The following MYO3B variants were observed in gnomAD, a reference collection of about 807,000 sequenced individuals.
MYO3B encodes the protein myosin IIIB, also known as myosin-IIIb.
In MYO3B, 156 loss-of-function variants were observed where a neutral mutation model predicts 174.6. The ratio of observed to expected loss-of-function variants is 0.89; its 90% CI spans 0.78 to 1.02. The LOEUF is 1.02. MYO3B is among the 50% of genes least tolerant of loss of function. The pLI, the probability that MYO3B is intolerant of heterozygous loss-of-function variation, is 0.00. For synonymous variants in MYO3B, 563 were observed against 569.1 expected, an observed-to-expected ratio of 0.99 and a Z score of 0.15; for missense variants, 1,632 against 1,639.4, an observed-to-expected ratio of 1.00 and a Z score of 0.08.
intron 7 of MYO3B, among the ~76,000 whole-genome samples, chr2:170,249,516 T>A (rs1439518820): frequency 1.3e-5 from 2 of 152,342 alleles, no homozygotes; most frequent in Non-Finnish European, 2.9e-5. Context: ...TGCAGGAGCA[T>A]CTGAACCAAT....
At chr2:170,380,659 G>A (rs1326121936) in intron 9 of MYO3B, among the ~76,000 whole-genome samples, 1 of 152,104 alleles carries the variant, frequency 6.6e-6, no homozygotes, top group African/African-American at 2.4e-5. Flanking sequence ...TATACCAGAG[G>A]GGATTATTAC....
chr2:170,384,056 G>C, intron 12 of MYO3B: 1 of 409,530 alleles, frequency 2.4e-6, no homozygotes, highest in South Asian at 4.5e-5. Flanking sequence ...CATTTTCTCT[G>C]ATAAGATATA....
At chr2:170,500,849 T>C (rs1687217933) in intron 27 of MYO3B, among the ~76,000 whole-genome samples, 1 of 152,210 alleles carries the variant, frequency 6.6e-6, no homozygotes, top group Admixed American at 6.5e-5. Context: ...AGGTTGCTAA[T>C]CTCTTTCATG....
chr2:170,454,777 G>C (rs918187854), intron 23 of MYO3B, among the ~76,000 whole-genome samples: 2 of 152,222 alleles, frequency 1.3e-5, no homozygotes, highest in African/African-American at 4.8e-5. Context: ...AATTCACATA[G>C]AGCCAGCTGT....
intron 7 of MYO3B, among the ~76,000 whole-genome samples, chr2:170,314,159 A>C (rs528295288): frequency 5.3e-5 from 8 of 152,282 alleles, no homozygotes; most frequent in South Asian, 4.2e-4. Flanking sequence ...GCAGTTTAGA[A>C]TTGATACTGT....
At chr2:170,259,047 T>C (rs1251795026) in intron 7 of MYO3B, among the ~76,000 whole-genome samples, 1 of 152,088 alleles carries the variant, frequency 6.6e-6, no homozygotes, top group East Asian at 1.9e-4. Flanking sequence ...GAAACACTGC[T>C]GAAAGAAATC....
At chr2:170,554,458 C>T (rs569994383) in intron 32 of MYO3B, among the ~76,000 whole-genome samples, 11 of 152,264 alleles carry the variant, frequency 7.2e-5, no homozygotes, top group South Asian at 4.2e-4. Flanking sequence ...AGTCTAGAGG[C>T]GGCTGGAGGG....
intron 7 of MYO3B, among the ~76,000 whole-genome samples, chr2:170,313,101 A>T (rs936694405): frequency 6.6e-6 from 1 of 152,202 alleles, no homozygotes; most frequent in African/African-American, 2.4e-5. Flanking sequence ...CCTGCTTTCT[A>T]AATTTGTGAT....
intron 22 of MYO3B, chr2:170,412,275 A>G (rs1049767927): frequency 6.6e-6 from 1 of 152,190 alleles, no homozygotes; most frequent in African/African-American, 2.4e-5. Flanking sequence ...TTGAAAATTC[A>G]TTTTTGTCTT....
chr2:170,593,307 T>A (rs1304340351), intron 32 of MYO3B, among the ~76,000 whole-genome samples: 1 of 152,210 alleles, frequency 6.6e-6, no homozygotes. Context: ...CTCGCTATGT[T>A]GCCCAGGCTG....
intron 32 of MYO3B, among the ~76,000 whole-genome samples, chr2:170,577,011 A>G (rs769900426): frequency 5.9e-5 from 9 of 152,222 alleles, no homozygotes; most frequent in African/African-American, 9.6e-5. Flanking sequence ...ATCAGGATCA[A>G]TACATCCAAC....
At chr2:170,521,139 G>C (rs952954401) in intron 30 of MYO3B, among the ~76,000 whole-genome samples, 1 of 151,902 alleles carries the variant, frequency 6.6e-6, no homozygotes, top group East Asian at 1.9e-4. Context: ...TTGTGAGATC[G>C]CTTAAGATTT....
In MYO3B at chr2:170,474,743, C is replaced by CAAA. The variant is rs55913448; in HGVS notation, c.3014+8071_3014+8073dup. Among the ~76,000 whole-genome samples, 138 of 37,582 alleles carry CAAA rather than the reference C, an allele frequency of 3.7e-3. 21 individuals carry two copies. Among genetic ancestry groups the CAAA allele is most frequent in the South Asian group, 6.0e-3 (5 of 828 alleles). The allele number at this position is 37,582 out of a possible 152,430, so 24.7% of individuals were successfully genotyped here. On this transcript the variant is annotated intron_variant, in intron 25 of 34. Transcript: ENST00000408978. ...GGGTGACAAGAGTGAAACTCCGTCT[C>CAAA]AAAAAAAAAAAAAAAAAAAAAAAAA...
At chr2:170,316,218 T>A (rs754125776) in intron 7 of MYO3B, among the ~76,000 whole-genome samples, 6 of 152,256 alleles carry the variant, frequency 3.9e-5, no homozygotes, top group Non-Finnish European at 8.8e-5. Context: ...TATGTACATA[T>A]GTGTGTGTAT....
rs142983607 is a variant in MYO3B, at chr2:170,628,912, G to A, written c.3734-22716G>A. ...GAACCCTATAACTCTGATCAGGTCT[G>A]GGTTTTCATGACTCAAGTGTCATGT... On this transcript the variant is annotated intron_variant, in intron 32 of 34. Transcript: ENST00000408978. Among the ~76,000 whole-genome samples, 192 of 152,150 alleles carry A rather than the reference G, an allele frequency of 1.3e-3. 1 individual carries two copies. Among genetic ancestry groups the A allele is most frequent in the Non-Finnish European group, 2.3e-3 (154 of 68,006 alleles).
At chr2:170,622,736 C>T (rs560306281) in intron 32 of MYO3B, among the ~76,000 whole-genome samples, 82 of 133,748 alleles carry the variant, frequency 6.1e-4, no homozygotes, top group African/African-American at 2.1e-3. Flanking sequence ...CCCCACCCCA[C>T]AACAGGCCCC....
intron 7 of MYO3B, among the ~76,000 whole-genome samples, chr2:170,332,431 A>G (rs1452335595): frequency 2.0e-5 from 3 of 152,168 alleles, no homozygotes. Context: ...GCACTCACAA[A>G]TGAAACAAAA....
chr2:170,526,792 G>A (rs955864386), intron 30 of MYO3B, among the ~76,000 whole-genome samples: 4 of 152,080 alleles, frequency 2.6e-5, no homozygotes, highest in African/African-American at 9.7e-5. Flanking sequence ...TTTTTCCTTG[G>A]GGACTTGCTT....
chr2:170,462,815 G>A (rs1684377687), intron 23 of MYO3B, among the ~76,000 whole-genome samples: 1 of 152,260 alleles, frequency 6.6e-6, no homozygotes, highest in South Asian at 2.1e-4. Context: ...GATAGATATT[G>A]AGAACAGGTG....
Sources: allele counts gnomAD v4.1 joint callset (sites outside exome capture counted in the v4.1 genomes callset), GRCh38; gene constraint gnomAD v4.1.1; transcripts MANE v1.5; gene names NCBI Gene and HGNC (gene_info 2026-07-23, HGNC 2026-07-21).